ATF7: variants seen among roughly 807,000 people sequenced by gnomAD.
ATF7 encodes activating transcription factor 7.
ATF7 carries 10 observed loss-of-function variants against 50.4 expected under a neutral mutation model. The observed-to-expected ratio is 0.20, with a 90% CI of 0.12 to 0.34. The LOEUF (loss-of-function observed/expected upper bound fraction) is 0.34, where lower values mean the gene tolerates loss of function less well. Among genes scored for constraint, ATF7 ranks in the 10% least tolerant of loss-of-function variants. The probability of loss-of-function intolerance (pLI) is 1.00; values close to 1 mark genes in which losing one functional copy is unlikely to be tolerated. For synonymous variants in ATF7, 201 were observed against 226.4 expected (o/e 0.89, Z 1.01); for missense variants, 465 against 613.9 (o/e 0.76, Z 2.56).
At chr12:53,555,495 T>A (rs1940678640) in intron 2 of ATF7, among the ~76,000 whole-genome samples, 3 of 27,690 alleles carry the variant, frequency 1.1e-4, no homozygotes, top group Admixed American at 5.5e-4. Flanking sequence ...ATATAATTTT[T>A]TTTTTTTTTT....
chr12:53,529,311 T>C (rs889805056), intron 9 of ATF7, among the ~76,000 whole-genome samples: 2 of 152,170 alleles, frequency 1.3e-5, no homozygotes, highest in Admixed American at 1.3e-4. Context: ...GCGATTCTCA[T>C]GCCTCGGCCT....
chr12:53,614,446 A>G (rs1413717772), intron 1 of ATF7, among the ~76,000 whole-genome samples: 1 of 152,188 alleles, frequency 6.6e-6, no homozygotes, highest in Non-Finnish European at 1.5e-5. Context: ...AAAGTAATCA[A>G]CCCCAAAACA....
Position 53,532,584 on chromosome 12 carries a change from T to C in ATF7, c.700A>G (p.Ile234Val). Residue 234 changes from isoleucine (I) to valine (V), a missense_variant, in exon 8 of 12, where the codon ATC (isoleucine) becomes GTC (valine). Ile to Val is a conservative substitution (Grantham distance 29). Transcript: ENST00000420353. ...CTACTGTTAACTGGTGGGCCAGGGA[T>C]ACCAGGAATGTTGGGCACCATGGAC... ...PVSMVPNIPG[I>V]PGPPVNSSGS... 1.2e-6 allele frequency: 2 copies of C among 1,607,918 alleles called. No individual in the cohort carries two copies. The highest frequency in any genetic ancestry group is 1.7e-6 in the Non-Finnish European group (2 of 1,177,972).
In ATF7 at chr12:53,524,419, GACCGTTAAGAGATTCTTCATGGGACA is replaced by G; in HGVS notation, c.1125+119_1125+144del. On this transcript the variant is annotated intron_variant, in intron 10 of 11. Transcript: ENST00000420353. This position sits in a 1 kb window ranked among gnomAD's most constrained non-coding sequence, Gnocchi z 4.6. Reference sequence around the variant, plus strand: ...TACCTATGAAAGAGATTTCAACTCTGACCGTTAAGAGATTCTTCATGGGACAACTAGATCTGTCCTAATTAGAGAAT... The same window carrying G: ...TACCTATGAAAGAGATTTCAACTCTGACTAGATCTGTCCTAATTAGAGAAT... 1 of 934,276 alleles carries G rather than the reference GACCGTTAAGAGATTCTTCATGGGACA, an allele frequency of 1.1e-6. No individual in the cohort carries two copies. The highest frequency in any genetic ancestry group is 1.6e-6 in the Non-Finnish European group (1 of 636,386). The allele number at this position is 934,276 out of a possible 1,614,324, so 57.9% of individuals were successfully genotyped here. A position where few individuals can be genotyped will look rare whatever the true frequency, so the allele number is the denominator to read the frequency against.
intron 2 of ATF7, among the ~76,000 whole-genome samples, chr12:53,592,363 T>C (rs1436157144): frequency 1.3e-5 from 2 of 152,242 alleles, no homozygotes; most frequent in African/African-American, 4.8e-5. Flanking sequence ...CTTTCCTTCT[T>C]GAAATCCTAT....
intron 1 of ATF7, among the ~76,000 whole-genome samples, chr12:53,612,123 G>A (rs997677913): frequency 6.7e-6 from 1 of 149,986 alleles, no homozygotes; most frequent in African/African-American, 2.5e-5. Flanking sequence ...CTACGGGCTC[G>A]CACCACCACA....
Position 53,529,423 on chromosome 12 carries a change from G to C in ATF7, c.927+2321C>G, listed in dbSNP as rs185425451. Among the ~76,000 whole-genome samples the C allele has an allele frequency of 5.1e-3, 759 of 150,292 alleles. 3 individuals are homozygous for C. Among genetic ancestry groups the C allele is most frequent in the Non-Finnish European group, 7.4e-3 (504 of 67,688 alleles). ...TCACCATGTTGGTCAGTCTGGTCTC[G>C]AACTCCTGACCTTGTGATCCGCCCA... On this transcript the variant is annotated intron_variant, in intron 9 of 11. Transcript: ENST00000420353.
At chr12:53,542,967 G>T (rs1388428479) in intron 4 of ATF7, 3 of 1,151,526 alleles carry the variant, frequency 2.6e-6, no homozygotes, top group Admixed American at 4.4e-5. Context: ...GCTCAGAAAA[G>T]AGTGGAATTT....
intron 5 of ATF7, 30 bp from the exon 6 acceptor site, chr12:53,534,689 A>C: frequency 6.2e-7 from 1 of 1,604,790 alleles, no homozygotes; most frequent in African/African-American, 1.3e-5. Context: ...AGATCACAAA[A>C]TGTTTTAAGG....
In ATF7 at chr12:53,606,546, C is replaced by A. The variant is rs112478850; in HGVS notation, c.-21-5525G>T. On this transcript the variant is annotated intron_variant, in intron 1 of 11. Coordinates refer to ENST00000420353, the MANE Select transcript of ATF7 (RefSeq NM_006856.3). ...TACAGACATGAGCCACTGTGCCTGGCCTGGCACGTTTTTTTTTAAATTTTA... is the reference window on the plus strand; with the variant it reads ...TACAGACATGAGCCACTGTGCCTGGACTGGCACGTTTTTTTTTAAATTTTA... Among the ~76,000 whole-genome samples, 1,154 of 152,130 alleles carry A rather than the reference C, an allele frequency of 7.6e-3. 16 individuals are homozygous for A. Among genetic ancestry groups the A allele is most frequent in the South Asian group, 0.043 (208 of 4,814 alleles).
In ATF7 at chr12:53,606,595, G is replaced by A. The variant is rs550203027; in HGVS notation, c.-21-5574C>T. 1.9e-3 allele frequency among the ~76,000 whole-genome samples: 291 copies of A among 151,848 alleles called. 1 individual carries two copies. The highest frequency in any genetic ancestry group is 3.5e-3 in the South Asian group (17 of 4,796). On this transcript the variant is annotated intron_variant, in intron 1 of 11. Transcript: ENST00000420353. ...TAATATTATTATACTTTAAGTTTTAGGGTACATGTGCACAACGTGCAGGTT... is the reference window on the plus strand; with the variant it reads ...TAATATTATTATACTTTAAGTTTTAAGGTACATGTGCACAACGTGCAGGTT...
At chr12:53,607,874 A>C (rs954332550) in intron 1 of ATF7, among the ~76,000 whole-genome samples, 1 of 152,148 alleles carries the variant, frequency 6.6e-6, no homozygotes, top group African/African-American at 2.4e-5. Flanking sequence ...TAAATCAAAA[A>C]ATTATAATGT....
At chr12:53,577,308 T>A (rs1366347482) in intron 2 of ATF7, among the ~76,000 whole-genome samples, 4 of 151,852 alleles carry the variant, frequency 2.6e-5, no homozygotes, top group African/African-American at 9.7e-5. Flanking sequence ...AATAGAAACT[T>A]CCAAAACTGG....
chr12:53,520,776 A>G (rs1938073165), intron 11 of ATF7, among the ~76,000 whole-genome samples: 1 of 152,122 alleles, frequency 6.6e-6, no homozygotes, highest in African/African-American at 2.4e-5. Flanking sequence ...GTGGTTGCTT[A>G]AGCCAGAAAC....
chr12:53,548,334 CTTTCTTT>C (rs1940086145), intron 3 of ATF7, among the ~76,000 whole-genome samples: 1 of 151,720 alleles, frequency 6.6e-6, no homozygotes, highest in East Asian at 1.9e-4. Context: ...CTTTTTTCTT[CTTTCTTT>C]ATTCTTTTTT....
intron 1 of ATF7, among the ~76,000 whole-genome samples, chr12:53,623,245 T>C (rs574223496): frequency 1.1e-4 from 17 of 152,252 alleles, no homozygotes; most frequent in African/African-American, 4.1e-4. Context: ...TAACACATCA[T>C]ACCAACTCTG....
At chr12:53,565,487 C>A (rs925618363) in intron 2 of ATF7, among the ~76,000 whole-genome samples, 1 of 1,582 alleles carries the variant, frequency 6.3e-4, no homozygotes, top group Non-Finnish European at 1.7e-3. Context: ...TTTTTCTGGG[C>A]GGGGGCGGGG....
chr12:53,554,002 C>T (rs570233134), intron 2 of ATF7, among the ~76,000 whole-genome samples: 1 of 152,256 alleles, frequency 6.6e-6, no homozygotes, highest in South Asian at 2.1e-4. Flanking sequence ...AGGCTGGTCG[C>T]GATGGCTCAT....
At chr12:53,566,740 G>GTT (rs150167058) in intron 2 of ATF7, among the ~76,000 whole-genome samples, 2 of 151,492 alleles carry the variant, frequency 1.3e-5, no homozygotes, top group African/African-American at 4.9e-5. Flanking sequence ...TGTTGACACA[G>GTT]TTTTTTTTTG....
Sources: gnomAD v4.1 joint callset for allele counts (sites outside exome capture counted in the v4.1 genomes callset) on GRCh38, gnomAD v4.1.1 for gene constraint, Gnocchi (gnomAD v3.1) non-coding constraint, MANE v1.5 for transcripts, NCBI Gene and HGNC (gene_info 2026-07-23, HGNC 2026-07-21) for gene names.